Variants in CCDC159 observed in about 807,000 individuals in gnomAD.
CCDC159 encodes the protein coiled-coil domain containing 159.
Under a neutral mutation model 50.9 loss-of-function variants are expected in CCDC159, and 40 were observed. The ratio of observed to expected loss-of-function variants is 0.79; its 90% CI spans 0.61 to 1.02. The LOEUF (loss-of-function observed/expected upper bound fraction) is 1.02, where lower values mean the gene tolerates loss of function less well. CCDC159 is among the 50% of genes least tolerant of loss of function. The pLI is 0.00. For synonymous variants in CCDC159, 146 were observed against 138.9 expected (o/e 1.05, Z -0.36); for missense variants, 356 against 371.5 (o/e 0.96, Z 0.34).
intron 5 of CCDC159, chr19:11,351,658 G>A (rs191033072): frequency 2.3e-4 from 105 of 449,704 alleles, no homozygotes; most frequent in African/African-American, 1.4e-3. Flanking sequence ...CGGGGGACAG[G>A]AGGTGGGGAG....
At position 11,354,872 on chromosome 19, in the gene CCDC159, GC is replaced by G. The variant is rs1211245555; in HGVS notation, c.890del (p.Ala297ValfsTer17). On this transcript the variant is annotated frameshift_variant and splice_region_variant, in exon 11 of 11. Transcript: ENST00000458408. LOFTEE classifies it high-confidence loss of function. ...CCCTGACCCACCCTCTCTCTCCACA[GC>G]TTGAGCAGCCGGGACTGCTCTCCCT... ...FSKSGRSFPP[A>X] is the part of the protein sequence containing the mutation. The G allele has an allele frequency of 6.2e-7, 1 of 1,613,306 alleles. No individual in the cohort carries two copies. Among genetic ancestry groups the G allele is most frequent in the African/African-American group, 1.3e-5 (1 of 74,848 alleles).
chr19:11,354,753 C>T, intron 10 of CCDC159, 57 bp downstream of exon 10: 1 of 1,609,086 alleles, frequency 6.2e-7, no homozygotes, highest in Non-Finnish European at 8.5e-7. Context: ...CTGCCCTTGA[C>T]TCCCACAGTC....
Position 11,350,988 on chromosome 19 carries a change from A to G in CCDC159, c.407A>G (p.Gln136Arg). Residue 136 changes from glutamine to arginine, a missense_variant, in exon 5 of 11, where the codon CAG becomes CGG. Physicochemically the swap from Gln to Arg is conservative, Grantham distance 43 (BLOSUM62 1). Transcript: ENST00000458408. ...RTTRCLQLLAQEIRDSKKFLW... is the reference protein window; with the variant it reads ...RTTRCLQLLAREIRDSKKFLW... Reference sequence around the variant, plus strand: ...ACTCGCTGCCTGCAGCTGCTGGCCCAGGAGATCCGGGACAGGTCGGGGATG... The same window carrying G: ...ACTCGCTGCCTGCAGCTGCTGGCCCGGGAGATCCGGGACAGGTCGGGGATG... The G allele has an allele frequency of 6.4e-7, 1 of 1,551,606 alleles. No homozygotes were observed. The highest frequency in any genetic ancestry group is 8.7e-7 in the Non-Finnish European group (1 of 1,147,330).
At chr19:11,349,408 TTG>T (rs989206809) in intron 1 of CCDC159, 1 of 567,086 alleles carries the variant, frequency 1.8e-6, no homozygotes, top group African/African-American at 1.9e-5. Context: ...AAGAGTGTGG[TTG>T]TGTGTCTTCC....
At chr19:11,353,226 G>A (rs1383850949) in intron 7 of CCDC159, among the ~76,000 whole-genome samples, 4 of 151,966 alleles carry the variant, frequency 2.6e-5, no homozygotes, top group East Asian at 1.9e-4. Context: ...TCAGCCTCTC[G>A]AGTAGCTGGG....
intron 1 of CCDC159, among the ~76,000 whole-genome samples, chr19:11,347,341 T>A (rs1404615607): frequency 6.6e-6 from 1 of 151,776 alleles, no homozygotes; most frequent in African/African-American, 2.4e-5. Flanking sequence ...TTTGTCTGTT[T>A]GTGTTTGAGA....
At position 11,352,128 on chromosome 19, in the gene CCDC159, C is replaced by T. The variant is rs770784765; in HGVS notation, c.562C>T (p.Arg188Cys). 34 of 1,612,936 alleles carry T rather than the reference C, an allele frequency of 2.1e-5. No homozygotes were observed. Among genetic ancestry groups the T allele is most frequent in the South Asian group, 3.3e-5 (3 of 91,050 alleles). Residue 188 changes from arginine (R) to cysteine (C), a missense_variant, in exon 7 of 11, where the codon CGC becomes TGC. Physicochemically the swap from Arg to Cys is radical, Grantham distance 180. Transcript: ENST00000458408. Reference protein sequence around the residue: ...QKMQKTQVKCRKILTKMKQQG... With the variant: ...QKMQKTQVKCCKILTKMKQQG... ...AATGCAGAAAACGCAGGTGAAATGC[C>T]GCAAAGTGAGTGGAGGAGATGGGGA...
At chr19:11,349,204 C>G (rs760147493) in intron 1 of CCDC159, 2 of 1,323,560 alleles carry the variant, frequency 1.5e-6, no homozygotes, top group South Asian at 1.2e-5. Flanking sequence ...AGGTCACCCC[C>G]ACCCGGGAAA....
chr19:11,349,615 G>C, intron 1 of CCDC159, 39 bp from the exon 2 acceptor site: 1 of 1,610,848 alleles, frequency 6.2e-7, no homozygotes, highest in Non-Finnish European at 8.5e-7. Context: ...AGGCAGCTCA[G>C]GGACAAATTT....
rs780906734 is a variant in CCDC159, at chr19:11,349,926, C to T, written c.56-12C>T. 3 of 1,613,554 alleles carry T rather than the reference C, an allele frequency of 1.9e-6. No individual in the cohort carries two copies. Among genetic ancestry groups the T allele is most frequent in the Middle Eastern group, 1.7e-4 (1 of 6,060 alleles). ...CCTTACAGCCCTGGCTCACCCTCTT[C>T]TCTGCCCACAGCCAAGACCATTGTG... On this transcript the variant is annotated splice_polypyrimidine_tract_variant and intron_variant, in intron 2 of 10. Coordinates refer to ENST00000458408, the MANE Select transcript of CCDC159 (RefSeq NM_001080503.3).
At chr19:11,346,684 G>T (rs540129611) in intron 1 of CCDC159, 57 bp downstream of exon 1, 97 of 1,540,314 alleles carry the variant, frequency 6.3e-5, no homozygotes, top group Non-Finnish European at 8.0e-5. Context: ...AACCCAGGGG[G>T]CGGAGCCAGG....
chr19:11,350,925 C>T lies in CCDC159; in HGVS notation c.344C>T (p.Thr115Ile), dbSNP rs199766318. The T allele has an allele frequency of 6.9e-4, 1,069 of 1,553,644 alleles. 2 individuals carry two copies. The highest frequency in any genetic ancestry group is 1.4e-3 in the Admixed American group (74 of 51,218). The change falls in exon 5 of 11, where the codon ACC becomes ATC. Residue 115 changes from threonine (T) to isoleucine (I), a missense_variant. Thr to Ile is a moderately conservative substitution (Grantham distance 89). Transcript: ENST00000458408. The stretch of plus-strand genomic sequence containing the variant: ...CAAGGCCTTCAGGGGCTGGAGAAGA[C>T]CCTGCGTGACAGTGAGGAGATGCAG... ...LTQGLQGLEK[T>I]LRDSEEMQRA... is the part of the protein sequence containing the mutation.
At position 11,351,973 on chromosome 19, in the gene CCDC159, C is replaced by A. The variant is rs972295349; in HGVS notation, c.490C>A (p.Gln164Lys). Reference sequence around the variant, plus strand: ...GGTGACCTTCATCTATCAGAAGCTCCGTGAGTTCCTGGAGCCCACAGCCGG... The same window carrying A: ...GGTGACCTTCATCTATCAGAAGCTCAGTGAGTTCCTGGAGCCCACAGCCGG... ...EEVTFIYQKL[Q>K]AQEDEISENL... The change falls in exon 6 of 11, where the codon CAA becomes AAA. Residue 164 changes from glutamine to lysine, a missense_variant and splice_region_variant. Physicochemically the swap from Gln to Lys is moderately conservative, Grantham distance 53. Coordinates refer to ENST00000458408, the MANE Select transcript of CCDC159 (RefSeq NM_001080503.3). 1 of 1,609,082 alleles carries A rather than the reference C, an allele frequency of 6.2e-7. No individual in the cohort carries two copies. The highest frequency in any genetic ancestry group is 8.5e-7 in the Non-Finnish European group (1 of 1,177,836).
chr19:11,354,559 G>C, intron 9 of CCDC159, 21 bp from the exon 10 acceptor site: 2 of 1,558,272 alleles, frequency 1.3e-6, no homozygotes, highest in Non-Finnish European at 1.7e-6. Flanking sequence ...GTCACATTCA[G>C]GGAACCTGTC....
Position 11,354,860 on chromosome 19 carries a change from T to C in CCDC159, c.890-13T>C. 1 of 1,612,770 alleles carries C rather than the reference T, an allele frequency of 6.2e-7. No individual in the cohort carries two copies. Among genetic ancestry groups the C allele is most frequent in the Non-Finnish European group, 8.5e-7 (1 of 1,179,680 alleles). ...GACCTGGCCAGGCCCTGACCCACCC[T>C]CTCTCTCCACAGCTTGAGCAGCCGG... On this transcript the variant is annotated splice_polypyrimidine_tract_variant and intron_variant, in intron 10 of 10. Transcript: ENST00000458408.
At chr19:11,353,402 A>G (rs1967689631) in intron 7 of CCDC159, 49 bp from the exon 8 acceptor site, 3 of 1,527,454 alleles carry the variant, frequency 2.0e-6, no homozygotes, top group Non-Finnish European at 8.9e-7. Context: ...GCCTGGCACT[A>G]TTGTCATTAT....
At chr19:11,353,292 C>G (rs775069350) in intron 7 of CCDC159, 159 bp from the exon 8 acceptor site, 5 of 625,476 alleles carry the variant, frequency 8.0e-6, no homozygotes, top group Non-Finnish European at 1.2e-5. Flanking sequence ...AGTAGAGATG[C>G]GGTTTCACTG....
intron 10 of CCDC159, 43 bp downstream of exon 10, chr19:11,354,739 T>A (rs956433655): frequency 7.6e-6 from 12 of 1,584,290 alleles, no homozygotes; most frequent in Non-Finnish European, 1.0e-5. Context: ...ATTTCCCTCC[T>A]GACCTGCCCT....
In CCDC159 at chr19:11,350,160, G is replaced by C; in HGVS notation, c.187G>C (p.Glu63Gln). Residue 63 changes from glutamate (E) to glutamine (Q), a missense_variant, in exon 4 of 11, where the codon GAG (glutamate) becomes CAG (glutamine). Glu to Gln is a conservative substitution (Grantham distance 29). Transcript: ENST00000458408. ...LNHSVTMLEK[E>Q]SCLQQIKIQQ... is the part of the protein sequence containing the mutation. ...CCACTCAGTGACCATGTTGGAGAAGGAGAGCTGCTTGCAGCAAATCAAGAT... is the reference window on the plus strand; with the variant it reads ...CCACTCAGTGACCATGTTGGAGAAGCAGAGCTGCTTGCAGCAAATCAAGAT... The C allele has an allele frequency of 6.2e-7, 1 of 1,613,444 alleles. No individual in the cohort carries two copies. Among genetic ancestry groups the C allele is most frequent in the African/African-American group, 1.3e-5 (1 of 75,018 alleles).
Sources: allele counts gnomAD v4.1 joint callset (sites outside exome capture counted in the v4.1 genomes callset), GRCh38; gene constraint gnomAD v4.1.1; transcripts MANE v1.5; gene names NCBI Gene and HGNC (gene_info 2026-07-23, HGNC 2026-07-21).